The following SLIT3 variants were observed in gnomAD, a reference collection of about 807,000 sequenced individuals.
SLIT3 encodes slit guidance ligand 3.
SLIT3 carries 68 observed loss-of-function variants against 184.0 expected under a neutral mutation model. That is an observed-to-expected ratio of 0.37 (90% CI 0.30 to 0.45). SLIT3 has a LOEUF of 0.45. Ranked by LOEUF, SLIT3 falls within the 20% of genes least tolerant of loss-of-function variation. SLIT3 has a pLI of 1.00. For synonymous variants in SLIT3, 831 were observed against 828.6 expected (o/e 1.00, Z -0.05); for missense variants, 1,707 against 2,026.0 (o/e 0.84, Z 3.02).
rs139888952 is a variant in SLIT3, at chr5:169,033,124, C to A, written c.414-149788G>T. ...CTAGCTATCCCCTGCCTGGTAATCA[C>A]TGTTTTGTTCTCTATTTCTGTACAG... On this transcript the variant is annotated intron_variant, in intron 4 of 35. Coordinates refer to ENST00000519560, the MANE Select transcript of SLIT3 (RefSeq NM_003062.4). 3.9e-3 allele frequency among the ~76,000 whole-genome samples: 590 copies of A among 151,720 alleles called. 3 individuals are homozygous for A. The highest frequency in any genetic ancestry group is 0.014 in the African/African-American group (558 of 41,238).
intron 4 of SLIT3, among the ~76,000 whole-genome samples, chr5:169,135,055 G>A (rs531607484): frequency 5.3e-5 from 8 of 152,226 alleles, no homozygotes; most frequent in South Asian, 2.1e-4. Flanking sequence ...CCTTCACCAC[G>A]CATCTGTTTT....
chr5:168,823,170 G>T, intron 7 of SLIT3, 90 bp downstream of exon 7: 1 of 999,858 alleles, frequency 1.0e-6, no homozygotes, highest in Middle Eastern at 2.0e-4. Flanking sequence ...CCTAGTCATA[G>T]CATGGTAGGT....
chr5:168,712,260 T>C, intron 24 of SLIT3, 23 bp downstream of exon 24: 1 of 1,601,028 alleles, frequency 6.2e-7, no homozygotes, highest in Non-Finnish European at 8.6e-7. Flanking sequence ...GAATGTTCAT[T>C]GGGGAGAAAC....
chr5:168,738,967 A>C (rs1279312692), intron 20 of SLIT3, among the ~76,000 whole-genome samples: 1 of 150,282 alleles, frequency 6.7e-6, no homozygotes, highest in Non-Finnish European at 1.5e-5. Flanking sequence ...AGCAGCTCAC[A>C]GTATTTGTTG....
intron 4 of SLIT3, among the ~76,000 whole-genome samples, chr5:168,962,817 T>C (rs975404126): frequency 3.9e-5 from 6 of 152,216 alleles, no homozygotes; most frequent in African/African-American, 1.2e-4. Context: ...CTTGGGGCCT[T>C]TGAACCTGTG....
chr5:169,078,508 G>T (rs1469240993), intron 4 of SLIT3, among the ~76,000 whole-genome samples: 2 of 152,072 alleles, frequency 1.3e-5, no homozygotes, highest in African/African-American at 4.8e-5. Flanking sequence ...GGAATAAAAG[G>T]CCAGTCTCCC....
intron 5 of SLIT3, among the ~76,000 whole-genome samples, chr5:168,872,603 A>G (rs941446559): frequency 1.3e-5 from 2 of 149,864 alleles, no homozygotes; most frequent in South Asian, 4.2e-4. Context: ...TTTTTTTTTT[A>G]AAGTTCGTAC....
chr5:168,867,648 G>T (rs147575269), intron 5 of SLIT3, among the ~76,000 whole-genome samples: 1 of 152,318 alleles, frequency 6.6e-6, no homozygotes, highest in East Asian at 1.9e-4. Context: ...ACAGTGCTCT[G>T]CTTTGTACAA....
At chr5:168,674,644 A>G (rs536200955) in intron 32 of SLIT3, among the ~76,000 whole-genome samples, 27 of 152,110 alleles carry the variant, frequency 1.8e-4, no homozygotes, top group Admixed American at 9.8e-4. Flanking sequence ...GGCTCATGCC[A>G]CCACAAACAG....
chr5:169,090,912 A>T (rs1759560319), intron 4 of SLIT3, among the ~76,000 whole-genome samples: 1 of 152,216 alleles, frequency 6.6e-6, no homozygotes, highest in African/African-American at 2.4e-5. Flanking sequence ...CTGTTATCTT[A>T]AGCTACAAGT....
At chr5:169,211,059 G>C (rs894484258) in intron 3 of SLIT3, among the ~76,000 whole-genome samples, 1 of 152,018 alleles carries the variant, frequency 6.6e-6, no homozygotes, top group Non-Finnish European at 1.5e-5. Context: ...TGATAGCCAA[G>C]AACCCAAATA....
intron 19 of SLIT3, 49 bp from the exon 20 acceptor site, chr5:168,748,483 T>G: frequency 6.7e-7 from 1 of 1,487,188 alleles, no homozygotes; most frequent in African/African-American, 1.5e-5. Context: ...TAAGCCCCAC[T>G]AGGGGGAGCC....
Position 168,665,483 on chromosome 5 carries a change from AAGG to A in SLIT3, c.*968_*970del, listed in dbSNP as rs1761004477. 1 of 152,224 alleles carries A rather than the reference AAGG, an allele frequency of 6.6e-6. No homozygotes were observed. The highest frequency in any genetic ancestry group is 6.5e-5 in the Admixed American group (1 of 15,276). The allele number at this position is 152,224 out of a possible 1,614,324, so 9.4% of individuals were successfully genotyped here. A position where few individuals can be genotyped will look rare whatever the true frequency, so the allele number is the denominator to read the frequency against. On this transcript the variant is annotated 3_prime_UTR_variant, in exon 36 of 36. Transcript: ENST00000519560. ...TACATTCCAATGAAAAATTACCTGG[AAGG>A]AGGAGAGAGGGCCAGTGCATGGGTC...
intron 4 of SLIT3, among the ~76,000 whole-genome samples, chr5:169,187,217 G>A (rs1246428579): frequency 2.0e-5 from 3 of 146,930 alleles, no homozygotes; most frequent in East Asian, 4.3e-4. Context: ...GGGTTCAAGC[G>A]ATTCTCCTGC....
chr5:169,286,094 C>A lies in SLIT3; in HGVS notation c.197+14419G>T, dbSNP rs763420591. On this transcript the variant is annotated intron_variant, in intron 1 of 35. Transcript: ENST00000519560. ...CTTGACATGTATTACCTCATTTGAT[C>A]TTCCTAGTAAGCCAGGGAAGCAGGT... Among the ~76,000 whole-genome samples, 29 of 152,260 alleles carry A rather than the reference C, an allele frequency of 1.9e-4. 1 individual carries two copies. Among genetic ancestry groups the A allele is most frequent in the Admixed American group, 3.9e-4 (6 of 15,296 alleles).
At chr5:168,684,218 T>C in intron 31 of SLIT3, 122 bp from the exon 32 acceptor site, 1 of 1,030,794 alleles carries the variant, frequency 9.7e-7, no homozygotes, top group Non-Finnish European at 1.4e-6. Flanking sequence ...TAAATTCATG[T>C]CCATCTTTCC....
chr5:168,717,685 G>A lies in SLIT3; in HGVS notation c.2483+4571C>T, dbSNP rs989082174. ...GTCTTTTCTTTTTTTTTTTGAGACC[G>A]AATCTCGCTCTGTGGCCAAGGCTGG... On this transcript the variant is annotated intron_variant, in intron 23 of 35. Coordinates refer to ENST00000519560, the MANE Select transcript of SLIT3 (RefSeq NM_003062.4). Among the ~76,000 whole-genome samples, 9 of 150,980 alleles carry A rather than the reference G, an allele frequency of 6.0e-5. No homozygotes were observed. In the East Asian group the frequency reaches 9.7e-4, roughly 16 times the overall value.
At chr5:169,233,231 G>A (rs1363376430) in intron 3 of SLIT3, among the ~76,000 whole-genome samples, 1 of 152,110 alleles carries the variant, frequency 6.6e-6, no homozygotes. Context: ...CACCATCTTG[G>A]CCAGGATGGT....
intron 12 of SLIT3, among the ~76,000 whole-genome samples, chr5:168,777,496 C>G (rs937358937): frequency 1.3e-5 from 2 of 152,202 alleles, no homozygotes; most frequent in African/African-American, 4.8e-5. Flanking sequence ...TATTGAGGCT[C>G]TTTTTTTCTC....
Sources: gnomAD v4.1 joint callset for allele counts (sites outside exome capture counted in the v4.1 genomes callset) on GRCh38, gnomAD v4.1.1 for gene constraint, MANE v1.5 for transcripts, NCBI Gene and HGNC (gene_info 2026-07-23, HGNC 2026-07-21) for gene names.